Variants in CLOCK observed in about 807,000 individuals in gnomAD.
CLOCK encodes clock circadian regulator.
In CLOCK, 43 loss-of-function variants were observed where a neutral mutation model predicts 118.4. The observed-to-expected ratio is 0.36, with a 90% confidence interval of 0.28 to 0.47. The LOEUF (loss-of-function observed/expected upper bound fraction) is 0.47. Among genes scored for constraint, CLOCK ranks in the 20% least tolerant of loss-of-function variants. CLOCK has a pLI of 1.00. For synonymous variants in CLOCK, 326 were observed against 339.2 expected, an observed-to-expected ratio of 0.96 and a Z score of 0.43; for missense variants, 846 against 999.9, an observed-to-expected ratio of 0.85 and a Z score of 2.08.
At chr4:55,438,682 C>A (rs1723095079) in intron 21 of CLOCK, 145 bp from the exon 22 acceptor site, 2 of 1,263,306 alleles carry the variant, frequency 1.6e-6, no homozygotes, top group African/African-American at 3.0e-5. Context: ...TACTTTGTTT[C>A]ATTTTAAAAG....
In CLOCK at chr4:55,441,900, T is replaced by G. The variant is rs147561673; in HGVS notation, c.2105+532A>C. On this transcript the variant is annotated intron_variant, in intron 21 of 22. Transcript: ENST00000513440. ...TGAAATGAAGACACCAAGGTCTGTG[T>G]TCAGAGTTCCCTTCCTCATCACCTT... is the stretch of plus-strand genomic sequence containing the variant. Among the ~76,000 whole-genome samples the G allele has an allele frequency of 1.1e-4, 16 of 152,326 alleles. No individual in the cohort carries two copies. The East Asian group carries it at 3.1e-3, about 29-fold the overall frequency.
At chr4:55,504,395 T>C (rs1237117508) in intron 2 of CLOCK, among the ~76,000 whole-genome samples, 1 of 151,970 alleles carries the variant, frequency 6.6e-6, no homozygotes, top group Non-Finnish European at 1.5e-5. Flanking sequence ...AATAAGGTTG[T>C]CATAAGAATG....
Position 55,450,214 on chromosome 4 carries a change from C to A in CLOCK, c.1225G>T (p.Asp409Tyr), listed in dbSNP as rs761143974. 1.7e-5 allele frequency: 27 copies of A among 1,613,854 alleles called. 1 individual carries two copies. In the South Asian group the frequency reaches 3.0e-4, roughly 18 times the overall value. The change falls in exon 16 of 23, where the codon GAT becomes TAT. Residue 409 changes from aspartate (D) to tyrosine (Y), a missense_variant. By Grantham distance (160) the Asp-to-Tyr change is radical. Around this residue, in one of 4 missense-constraint regions of CLOCK, gnomAD observed 520 missense variants for 558.0 expected, o/e 0.93. Coordinates refer to ENST00000513440, the MANE Select transcript of CLOCK (RefSeq NM_004898.4). ...AGACTGACTGTGTTTATACGATTAT[C>A]TGACCCAGAATCTTGGCTCTATGGA... is the stretch of plus-strand genomic sequence containing the variant. ...AADKSQDSGS[D>Y]NRINTVSLKE...
intron 4 of CLOCK, 109 bp from the exon 5 acceptor site, chr4:55,479,808 T>C: frequency 1.2e-6 from 1 of 854,146 alleles, no homozygotes; most frequent in South Asian, 1.4e-5. Flanking sequence ...GTAAAGTTAA[T>C]GAGTTATAAC....
chr4:55,474,824 A>C (rs1254267442), intron 7 of CLOCK, among the ~76,000 whole-genome samples: 1 of 152,184 alleles, frequency 6.6e-6, no homozygotes, highest in African/African-American at 2.4e-5. Flanking sequence ...TGGTCAGAAA[A>C]ATAGATTTCT....
At chr4:55,479,737 A>C (rs1169382824) in intron 4 of CLOCK, 38 bp from the exon 5 acceptor site, 1 of 1,498,420 alleles carries the variant, frequency 6.7e-7, no homozygotes, top group Non-Finnish European at 9.3e-7. Context: ...GAGCAGACTC[A>C]CTAAGCAACA....
intron 8 of CLOCK, among the ~76,000 whole-genome samples, chr4:55,467,264 C>A (rs1179292215): frequency 1.3e-5 from 2 of 152,030 alleles, no homozygotes; most frequent in Non-Finnish European, 2.9e-5. Flanking sequence ...TTTTTTAAAA[C>A]AGTCAAATCA....
rs919696752 is a variant in CLOCK at position 55,428,627 on chromosome 4, A to C, written c.*6788T>G. 25 of 152,320 alleles carry C rather than the reference A, an allele frequency of 1.6e-4. No homozygotes were observed. The highest frequency in any genetic ancestry group is 2.9e-4 in the Non-Finnish European group (20 of 68,020). The allele number at this position is 152,320 out of a possible 1,614,324, so 9.4% of individuals were successfully genotyped here. ...CACCGTTTTGGAAGTAAAAATGATG[A>C]GCTACATCTACTTTTTAATTTAAAA... On this transcript the variant is annotated 3_prime_UTR_variant, in exon 23 of 23. Coordinates refer to ENST00000513440, the MANE Select transcript of CLOCK (RefSeq NM_004898.4).
chr4:55,452,349 C>G (rs989624255), intron 15 of CLOCK: 9 of 152,240 alleles, frequency 5.9e-5, no homozygotes, highest in African/African-American at 2.2e-4. Flanking sequence ...CTCAGTCCAA[C>G]TGCCCATGAG....
chr4:55,469,220 G>A (rs929501595), intron 8 of CLOCK, among the ~76,000 whole-genome samples: 8 of 151,610 alleles, frequency 5.3e-5, no homozygotes, highest in Admixed American at 1.3e-4. Flanking sequence ...CTGCCTCCCA[G>A]GTTCAGGCGA....
intron 15 of CLOCK, chr4:55,452,202 G>A (rs910031913): frequency 6.6e-6 from 1 of 152,100 alleles, no homozygotes; most frequent in South Asian, 2.1e-4. Context: ...TCAATCCTGT[G>A]ATTAGGTTAC....
At chr4:55,506,573 A>AT (rs1055459470) in intron 2 of CLOCK, among the ~76,000 whole-genome samples, 11 of 151,502 alleles carry the variant, frequency 7.3e-5, no homozygotes, top group Admixed American at 2.0e-4. Context: ...TTTATATTTT[A>AT]TTTTTTTTAA....
intron 8 of CLOCK, among the ~76,000 whole-genome samples, chr4:55,469,339 C>A (rs1216882880): frequency 6.6e-6 from 1 of 152,172 alleles, no homozygotes; most frequent in Non-Finnish European, 1.5e-5. Flanking sequence ...AGGTGATCTG[C>A]ATGCCTCGGC....
chr4:55,439,652 T>C (rs11942279), intron 21 of CLOCK, among the ~76,000 whole-genome samples: 51,370 of 152,024 alleles, frequency 0.34, 9,379 homozygotes, highest in East Asian at 0.58. Context: ...CAAAACATAG[T>C]AGAGTAGAAT....
intron 1 of CLOCK, among the ~76,000 whole-genome samples, chr4:55,511,842 A>T (rs1406432679): frequency 6.6e-6 from 1 of 152,082 alleles, no homozygotes. Flanking sequence ...AATGTCATGA[A>T]GTTGGAATCA....
chr4:55,449,375 A>G, intron 17 of CLOCK, 21 bp downstream of exon 17: 1 of 1,576,800 alleles, frequency 6.3e-7, no homozygotes, highest in South Asian at 1.1e-5. Context: ...TATTCAGAAG[A>G]ATATCCACTA....
chr4:55,458,424 T>C (rs1002530878), intron 11 of CLOCK, among the ~76,000 whole-genome samples: 1 of 152,120 alleles, frequency 6.6e-6, no homozygotes, highest in African/African-American at 2.4e-5. Context: ...TGGTTAACTC[T>C]TTCACTTTCC....
intron 2 of CLOCK, among the ~76,000 whole-genome samples, chr4:55,499,929 G>C (rs1430623321): frequency 6.6e-6 from 1 of 152,138 alleles, no homozygotes; most frequent in Non-Finnish European, 1.5e-5. Context: ...GCATGCTCCA[G>C]CTTCCAGAGT....
chr4:55,432,518 T>G lies in CLOCK; in HGVS notation c.*2897A>C, dbSNP rs1488951311. Reference sequence around the variant, plus strand: ...AAAGCTGGAAGGTGTTTCTATTTGGTATCTTTAAATGCTATAGATTTGGGA... The same window carrying G: ...AAAGCTGGAAGGTGTTTCTATTTGGGATCTTTAAATGCTATAGATTTGGGA... On this transcript the variant is annotated 3_prime_UTR_variant, in exon 23 of 23. Coordinates refer to ENST00000513440, the MANE Select transcript of CLOCK (RefSeq NM_004898.4). 1 of 146,546 alleles carries G rather than the reference T, an allele frequency of 6.8e-6. No homozygotes were observed. Among genetic ancestry groups the G allele is most frequent in the Non-Finnish European group, 1.5e-5 (1 of 67,142 alleles). The allele number at this position is 146,546 out of a possible 1,614,324, so 9.1% of individuals were successfully genotyped here.
Sources: gnomAD v4.1 joint callset for allele counts (sites outside exome capture counted in the v4.1 genomes callset) on GRCh38, gnomAD v4.1.1 for gene constraint, gnomAD v4.1.1 regional missense constraint, MANE v1.5 for transcripts, NCBI Gene and HGNC (gene_info 2026-07-23, HGNC 2026-07-21) for gene names.